PID1: variants seen among roughly 807,000 people sequenced by gnomAD.
The protein encoded by PID1 is phosphotyrosine interaction domain containing 1, also known as PTB-containing, cubilin and LRP1-interacting protein.
In PID1, 10 loss-of-function variants were observed where a neutral mutation model predicts 19.1. The observed-to-expected ratio is 0.52, with a 90% CI of 0.32 to 0.89. The LOEUF is 0.89. PID1 is among the 40% of genes least tolerant of loss of function. The pLI, the probability that PID1 is intolerant of heterozygous loss-of-function variation, is 0.03. For synonymous variants in PID1, 130 were observed against 116.0 expected (o/e 1.12, Z -0.78); for missense variants, 248 against 285.3 (o/e 0.87, Z 0.94).
chr2:229,227,875 G>T, intron 1 of PID1: 1 of 430,754 alleles, frequency 2.3e-6, no homozygotes, highest in Non-Finnish European at 4.7e-6. Flanking sequence ...ACTATATTAG[G>T]TATTGTAAGT....
intron 2 of PID1, among the ~76,000 whole-genome samples, chr2:229,151,993 A>G (rs1559258865): frequency 6.6e-6 from 1 of 152,208 alleles, no homozygotes; most frequent in Non-Finnish European, 1.5e-5. Context: ...ATAAGGTGGC[A>G]CACACAGTGC....
At chr2:229,116,765 A>C (rs1370206392) in intron 2 of PID1, among the ~76,000 whole-genome samples, 1 of 152,160 alleles carries the variant, frequency 6.6e-6, no homozygotes, top group African/African-American at 2.4e-5. Context: ...GTATGTCTTT[A>C]TTAGTTGTAT....
chr2:229,025,891 C>T lies in PID1; in HGVS notation c.395G>A (p.Arg132His), dbSNP rs764931966. ...TVHMDTFQVA[R>H]IAYCTADHNV... ...GTGGTCGGCGGTGCAGTAGGCGATG[C>T]GGGCCACCTGGAAGGTATCCATGTG... The change falls in exon 3 of 3, where the codon CGC (arginine) becomes CAC (histidine). Residue 132 changes from arginine to histidine, a missense_variant. Physicochemically the swap from Arg to His is conservative, Grantham distance 29. Transcript: ENST00000392055. The T allele has an allele frequency of 1.9e-6, 3 of 1,614,174 alleles. No individual in the cohort carries two copies. The highest frequency in any genetic ancestry group is 2.2e-5 in the East Asian group (1 of 44,872).
intron 2 of PID1, among the ~76,000 whole-genome samples, chr2:229,032,866 C>T (rs1214678701): frequency 1.3e-5 from 2 of 152,160 alleles, no homozygotes; most frequent in Non-Finnish European, 2.9e-5. Flanking sequence ...AGAATATTCA[C>T]AGACTGTGAA....
intron 2 of PID1, among the ~76,000 whole-genome samples, chr2:229,101,518 T>A (rs1001091964): frequency 6.6e-6 from 1 of 152,228 alleles, no homozygotes; most frequent in Admixed American, 6.5e-5. Flanking sequence ...TAACAGCCAG[T>A]ATATTCACTC....
At chr2:229,260,250 T>A (rs996085094) in intron 1 of PID1, among the ~76,000 whole-genome samples, 2 of 151,838 alleles carry the variant, frequency 1.3e-5, no homozygotes, top group African/African-American at 4.8e-5. Flanking sequence ...GACACAAAAA[T>A]TTATAGCAGT....
intron 2 of PID1, among the ~76,000 whole-genome samples, chr2:229,117,922 C>T (rs906259920): frequency 2.6e-5 from 4 of 152,088 alleles, no homozygotes; most frequent in Admixed American, 1.3e-4. Context: ...TCATGGTACC[C>T]TGTCCTTTTC....
At chr2:229,066,156 G>A (rs1694322361) in intron 2 of PID1, among the ~76,000 whole-genome samples, 1 of 152,052 alleles carries the variant, frequency 6.6e-6, no homozygotes, top group Non-Finnish European at 1.5e-5. Flanking sequence ...GTCAAAATGA[G>A]CACAATAGGA....
chr2:229,215,454 T>G (rs980118347), intron 1 of PID1, among the ~76,000 whole-genome samples: 1 of 152,264 alleles, frequency 6.6e-6, no homozygotes, highest in East Asian at 1.9e-4. Context: ...CTTTTGGTGC[T>G]GTTTAGGGTA....
At chr2:229,085,477 T>C (rs773797609) in intron 2 of PID1, among the ~76,000 whole-genome samples, 6 of 152,204 alleles carry the variant, frequency 3.9e-5, no homozygotes, top group Non-Finnish European at 8.8e-5. Flanking sequence ...CTGTGTTGGA[T>C]TGAATTGAAT....
intron 1 of PID1, among the ~76,000 whole-genome samples, chr2:229,189,899 A>T (rs943185647): frequency 6.6e-6 from 1 of 152,214 alleles, no homozygotes; most frequent in Non-Finnish European, 1.5e-5. Flanking sequence ...TATAGTATTC[A>T]TCTCCCTTAA....
At position 229,212,684 on chromosome 2, in the gene PID1, G is replaced by A. The variant is rs75404938; in HGVS notation, c.31-56720C>T. Among the ~76,000 whole-genome samples the A allele has an allele frequency of 8.0e-3, 1,211 of 152,264 alleles. 6 individuals carry two copies. The highest frequency in any genetic ancestry group is 0.011 in the Non-Finnish European group (716 of 68,024). ...CCTGCTATCTGAAGGTTTAGAATGC[G>A]GTTGGGAGGTGCACAGATACTCCCA... On this transcript the variant is annotated intron_variant, in intron 1 of 2. Transcript: ENST00000392055.
intron 2 of PID1, among the ~76,000 whole-genome samples, chr2:229,079,746 G>A (rs1694634111): frequency 6.6e-6 from 1 of 152,222 alleles, no homozygotes; most frequent in Non-Finnish European, 1.5e-5. Context: ...ATTCTGTCAA[G>A]CATCAGTTAA....
intron 2 of PID1, among the ~76,000 whole-genome samples, chr2:229,056,254 C>T (rs1415339408): frequency 6.6e-6 from 1 of 152,158 alleles, no homozygotes; most frequent in Non-Finnish European, 1.5e-5. Flanking sequence ...TGACTAATGA[C>T]TCATGCCCCA....
chr2:229,221,067 G>T (rs997846490), intron 1 of PID1, among the ~76,000 whole-genome samples: 1 of 152,124 alleles, frequency 6.6e-6, no homozygotes, highest in Non-Finnish European at 1.5e-5. Context: ...ACTGCATCAC[G>T]TACATACATC....
intron 2 of PID1, among the ~76,000 whole-genome samples, chr2:229,081,198 T>C (rs1222533740): frequency 6.6e-6 from 1 of 152,200 alleles, no homozygotes; most frequent in Non-Finnish European, 1.5e-5. Flanking sequence ...ACATTGTTGA[T>C]ACATACATTC....
intron 2 of PID1, among the ~76,000 whole-genome samples, chr2:229,111,418 T>C (rs987898222): frequency 2.0e-5 from 3 of 152,182 alleles, no homozygotes; most frequent in Admixed American, 6.5e-5. Flanking sequence ...GAGTTTTCAC[T>C]GTCTCAAGAA....
chr2:229,042,735 GAAAGTAATTTT>G (rs1559206638), intron 2 of PID1, among the ~76,000 whole-genome samples: 1 of 152,120 alleles, frequency 6.6e-6, no homozygotes, highest in Admixed American at 6.5e-5. Context: ...TGCATGATGT[GAAAGTAATTTT>G]TAATGACTAG....
intron 1 of PID1, among the ~76,000 whole-genome samples, chr2:229,220,620 C>T (rs1271588236): frequency 5.9e-5 from 9 of 152,132 alleles, no homozygotes; most frequent in African/African-American, 2.2e-4. Flanking sequence ...TGAGTTCAGT[C>T]GGCCCCCCTG....
Sources: allele counts gnomAD v4.1 joint callset (sites outside exome capture counted in the v4.1 genomes callset), GRCh38; gene constraint gnomAD v4.1.1; transcripts MANE v1.5; gene names NCBI Gene and HGNC (gene_info 2026-07-23, HGNC 2026-07-21).